Variants in EWSR1 observed in about 807,000 individuals in gnomAD.
EWSR1 encodes RNA-binding protein EWS.
Under a neutral mutation model 92.1 loss-of-function variants are expected in EWSR1, and 14 were observed. That is an observed-to-expected ratio of 0.15 (90% CI 0.10 to 0.24). The LOEUF (loss-of-function observed/expected upper bound fraction) is 0.24, where lower values mean the gene tolerates loss of function less well. EWSR1 is among the 10% of genes least tolerant of loss of function. The pLI is 1.00. For missense variants in EWSR1, 637 were observed against 870.9 expected, an observed-to-expected ratio of 0.73 and a Z score of 3.38; for synonymous variants, 303 against 292.9, an observed-to-expected ratio of 1.03 and a Z score of -0.35.
At chr22:29,280,211 G>A (rs1332183807) in intron 5 of EWSR1, among the ~76,000 whole-genome samples, 1 of 152,206 alleles carries the variant, frequency 6.6e-6, no homozygotes, top group Non-Finnish European at 1.5e-5. Context: ...GGGACTACGG[G>A]CATGTACCAC....
chr22:29,298,943 T>C, intron 14 of EWSR1, 48 bp downstream of exon 14: 1 of 1,501,982 alleles, frequency 6.7e-7, no homozygotes. Flanking sequence ...GAAGCCACCC[T>C]TCCCTCACCC....
At position 29,299,220 on chromosome 22, in the gene EWSR1, G is replaced by A; in HGVS notation, c.1581-14G>A. The A allele has an allele frequency of 6.2e-7, 1 of 1,614,054 alleles. No individual in the cohort carries two copies. Among genetic ancestry groups the A allele is most frequent in the Non-Finnish European group, 8.5e-7 (1 of 1,179,948 alleles). The stretch of plus-strand genomic sequence containing the variant: ...TTCAATTGGTGATTTCTGCTGTGAT[G>A]TAATTGTATGCAGGGGTTGTGGAAA... On this transcript the variant is annotated splice_polypyrimidine_tract_variant and intron_variant, in intron 14 of 16. Coordinates refer to ENST00000397938, the MANE Select transcript of EWSR1 (RefSeq NM_005243.4).
At chr22:29,277,539 G>A (rs2059218711) in intron 4 of EWSR1, 1 of 228,514 alleles carries the variant, frequency 4.4e-6, no homozygotes, top group South Asian at 1.8e-4. Context: ...CCAAATTACA[G>A]GTTTTAGTGC....
chr22:29,278,573 C>T (rs970223087), intron 5 of EWSR1, among the ~76,000 whole-genome samples: 2 of 152,152 alleles, frequency 1.3e-5, no homozygotes, highest in African/African-American at 4.8e-5. Flanking sequence ...GCCTGTAATC[C>T]CAGCACTTTG....
intron 8 of EWSR1, chr22:29,289,882 T>A (rs2060318952): frequency 4.3e-6 from 1 of 231,058 alleles, no homozygotes; most frequent in Non-Finnish European, 8.6e-6. Flanking sequence ...GGCAAAAATT[T>A]AATGATTCGG....
Position 29,300,107 on chromosome 22 carries a change from C to G in EWSR1, c.1932-15C>G. On this transcript the variant is annotated splice_polypyrimidine_tract_variant and intron_variant, in intron 16 of 16. Coordinates refer to ENST00000397938, the MANE Select transcript of EWSR1 (RefSeq NM_005243.4). Reference sequence around the variant, plus strand: ...CCCTTCCCATTCTAACCGAAGGGCCCTCTTTACCTTGCAGAGGCGAGCACC... The same window carrying G: ...CCCTTCCCATTCTAACCGAAGGGCCGTCTTTACCTTGCAGAGGCGAGCACC... The G allele has an allele frequency of 8.1e-6, 13 of 1,599,832 alleles. No homozygotes were observed. Among genetic ancestry groups the G allele is most frequent in the Non-Finnish European group, 1.1e-5 (13 of 1,177,160 alleles).
At chr22:29,275,596 C>T (rs1602235063) in intron 4 of EWSR1, 1 of 228,922 alleles carries the variant, frequency 4.4e-6, no homozygotes, top group East Asian at 6.2e-5. Context: ...GTGAACAAAA[C>T]TTAGCAGGAG....
At chr22:29,273,717 T>G in intron 3 of EWSR1, 24 bp from the exon 4 acceptor site, 1 of 1,600,896 alleles carries the variant, frequency 6.2e-7, no homozygotes, top group South Asian at 1.1e-5. Flanking sequence ...ATGAAGTTCT[T>G]GCATTCGTTT....
intron 4 of EWSR1, chr22:29,274,151 T>C (rs946667262): frequency 8.7e-7 from 1 of 1,155,140 alleles, no homozygotes; most frequent in African/African-American, 1.5e-5. Flanking sequence ...CTAATGCTAA[T>C]ACTGAGTAAG....
intron 1 of EWSR1, 141 bp from the exon 2 acceptor site, chr22:29,272,075 G>C: frequency 2.9e-6 from 2 of 698,770 alleles, no homozygotes; most frequent in South Asian, 3.4e-5. Context: ...TGAGAGGTAA[G>C]GGGGACTCAT....
intron 5 of EWSR1, among the ~76,000 whole-genome samples, chr22:29,279,140 TGTGTGTGTTTTCAC>T (rs1158975603): frequency 6.6e-6 from 1 of 152,132 alleles, no homozygotes; most frequent in Non-Finnish European, 1.5e-5. Context: ...AGAGTGTGTG[TGTGTGTGTTTTCAC>T]TCAAAACAGC....
chr22:29,287,989 C>A (rs1305288690), intron 7 of EWSR1, among the ~76,000 whole-genome samples: 3 of 151,956 alleles, frequency 2.0e-5, no homozygotes, highest in African/African-American at 7.3e-5. Context: ...CCACCCTGGG[C>A]AACATAGTGA....
At chr22:29,275,753 T>A (rs1375050921) in intron 4 of EWSR1, 1 of 229,110 alleles carries the variant, frequency 4.4e-6, no homozygotes, top group African/African-American at 2.2e-5. Context: ...AAATTAAACT[T>A]CAGAAGAAAG....
At chr22:29,292,063 ATG>A (rs2060479978) in intron 9 of EWSR1, 72 bp from the exon 10 acceptor site, 10 of 1,269,958 alleles carry the variant, frequency 7.9e-6, no homozygotes, top group Non-Finnish European at 1.2e-5. Context: ...GTAGATAGCT[ATG>A]TGTGTTTGTA....
intron 6 of EWSR1, among the ~76,000 whole-genome samples, chr22:29,284,913 A>G (rs1697802588): frequency 6.6e-6 from 1 of 151,052 alleles, no homozygotes; most frequent in Non-Finnish European, 1.5e-5. Context: ...CTCGCCTCCC[A>G]GGTTAAAGTG....
chr22:29,278,816 C>T (rs1393230200), intron 5 of EWSR1, among the ~76,000 whole-genome samples: 1 of 141,002 alleles, frequency 7.1e-6, no homozygotes, highest in Non-Finnish European at 1.5e-5. Context: ...CATAGCAAGA[C>T]TCGGTCTCAA....
intron 13 of EWSR1, among the ~76,000 whole-genome samples, chr22:29,298,433 G>A (rs556992297): frequency 6.6e-6 from 1 of 152,072 alleles, no homozygotes; most frequent in African/African-American, 2.4e-5. Flanking sequence ...TTGAATCTGG[G>A]GGGGTGGAGG....
chr22:29,285,249 G>C (rs867354162), intron 6 of EWSR1, among the ~76,000 whole-genome samples: 2 of 148,808 alleles, frequency 1.3e-5, no homozygotes, highest in South Asian at 4.2e-4. Context: ...GCAGCCTCTC[G>C]AGTAGCTGGG....
chr22:29,286,901 T>G (rs775555566), intron 6 of EWSR1, 22 bp from the exon 7 acceptor site: 8 of 1,586,896 alleles, frequency 5.0e-6, no homozygotes, highest in Non-Finnish European at 6.9e-6. Context: ...GCTTTTTTTT[T>G]TTTCTCTTCT....
Sources: gnomAD v4.1 joint callset for allele counts (sites outside exome capture counted in the v4.1 genomes callset) on GRCh38, gnomAD v4.1.1 for gene constraint, MANE v1.5 for transcripts, NCBI Gene and HGNC (gene_info 2026-07-23, HGNC 2026-07-21) for gene names.